Variants in FSD1L observed in about 807,000 individuals in gnomAD.
FSD1L encodes the protein FSD1-like protein.
Under a neutral mutation model 71.6 loss-of-function variants are expected in FSD1L, and 45 were observed. The observed-to-expected ratio is 0.63, with a 90% confidence interval of 0.49 to 0.81. FSD1L has a LOEUF of 0.81. FSD1L is among the 30% of genes least tolerant of loss of function. The probability of loss-of-function intolerance (pLI) is 0.00; values close to 1 mark genes in which losing one functional copy is unlikely to be tolerated. For synonymous variants in FSD1L, 197 were observed against 207.2 expected, an observed-to-expected ratio of 0.95 and a Z score of 0.42; for missense variants, 561 against 618.1, an observed-to-expected ratio of 0.91 and a Z score of 0.98.
chr9:105,449,434 C>T (rs1297001129), intron 1 of FSD1L, among the ~76,000 whole-genome samples: 1 of 152,138 alleles, frequency 6.6e-6, no homozygotes, highest in African/African-American at 2.4e-5. Context: ...TAAAACATCT[C>T]TCAGCTTATT....
chr9:105,446,711 C>CTT (rs59960095), upstream of FSD1L, among the ~76,000 whole-genome samples: 194 of 139,074 alleles, frequency 1.4e-3, 5 homozygotes, highest in Admixed American at 1.2e-3. Context: ...AGCACGTTAA[C>CTT]TTTTTTTTTT....
intron 9 of FSD1L, among the ~76,000 whole-genome samples, chr9:105,511,781 T>C (rs1293323302): frequency 2.0e-5 from 3 of 152,126 alleles, no homozygotes; most frequent in Non-Finnish European, 2.9e-5. Context: ...TAAACAGTTA[T>C]GTATCATCAA....
intron 7 of FSD1L, among the ~76,000 whole-genome samples, chr9:105,491,709 G>A (rs1470523092): frequency 4.6e-5 from 7 of 152,012 alleles, no homozygotes; most frequent in African/African-American, 1.5e-4. Context: ...TTAGCATGAA[G>A]GGTTGTTGAA....
At chr9:105,469,722 T>G (rs1831323123) in intron 4 of FSD1L, among the ~76,000 whole-genome samples, 1 of 151,522 alleles carries the variant, frequency 6.6e-6, no homozygotes, top group Non-Finnish European at 1.5e-5. Context: ...TTTTTTCCCA[T>G]TTTGTAGGCT....
chr9:105,484,608 A>ATT, intron 7 of FSD1L, 106 bp downstream of exon 7: 7 of 634,194 alleles, frequency 1.1e-5, no homozygotes, highest in Non-Finnish European at 1.4e-5. Flanking sequence ...GTATAGTGTG[A>ATT]TTTTTTTTTC....
intron 6 of FSD1L, among the ~76,000 whole-genome samples, 172 bp downstream of exon 6, chr9:105,479,548 A>C (rs1832033468): frequency 6.6e-6 from 1 of 152,230 alleles, no homozygotes; most frequent in South Asian, 2.1e-4. Context: ...TATCAATAAA[A>C]TTTTTTAAAA....
chr9:105,494,504 C>G (rs1197894874), intron 7 of FSD1L, among the ~76,000 whole-genome samples: 1 of 152,246 alleles, frequency 6.6e-6, no homozygotes, highest in African/African-American at 2.4e-5. Flanking sequence ...CTCAACTCGT[C>G]AAAGTCATTC....
At chr9:105,496,986 G>A (rs1589017922) in intron 7 of FSD1L, among the ~76,000 whole-genome samples, 1 of 152,304 alleles carries the variant, frequency 6.6e-6, no homozygotes, top group East Asian at 1.9e-4. Flanking sequence ...TAAGTATGGT[G>A]TTAGCTGTAA....
chr9:105,452,665 GCCTGCCTTCCTTCCTT>G (rs1299420450), intron 1 of FSD1L, among the ~76,000 whole-genome samples: 9 of 85,848 alleles, frequency 1.0e-4, no homozygotes, highest in African/African-American at 3.3e-4. Context: ...CTGCCTGCCT[GCCTGCCTTCCTTCCTT>G]CCTTCCTTCC....
chr9:105,446,012 C>T (rs1490248913), upstream of FSD1L, among the ~76,000 whole-genome samples: 1 of 152,092 alleles, frequency 6.6e-6, no homozygotes, highest in Admixed American at 6.5e-5. Flanking sequence ...TCTTGTACAT[C>T]TCTGTCCAGT....
At chr9:105,531,484 G>A (rs1430882341) in intron 10 of FSD1L, among the ~76,000 whole-genome samples, 1 of 152,134 alleles carries the variant, frequency 6.6e-6, no homozygotes, top group African/African-American at 2.4e-5. Context: ...AAAAGCACTG[G>A]GGCTTAAAGT....
At chr9:105,459,419 G>A (rs1052505078) in intron 1 of FSD1L, among the ~76,000 whole-genome samples, 6 of 152,128 alleles carry the variant, frequency 3.9e-5, no homozygotes, top group Admixed American at 3.9e-4. Flanking sequence ...TGAAGCCTTG[G>A]CCCTCTCCCT....
At chr9:105,515,865 A>G (rs938837689) in intron 10 of FSD1L, among the ~76,000 whole-genome samples, 2 of 150,784 alleles carry the variant, frequency 1.3e-5, no homozygotes, top group African/African-American at 4.9e-5. Context: ...TTGGAAAGGG[A>G]TGCTGAAACC....
rs1447395453 is a variant in FSD1L at position 105,474,083 on chromosome 9, T to C, written c.441+2078T>C. Among the ~76,000 whole-genome samples the C allele has an allele frequency of 2.6e-5, 4 of 152,298 alleles. No homozygotes were observed. The East Asian group carries it at 7.7e-4, about 29-fold the overall frequency. ...GGATGTCTTCTAAGAAATGTATCAT[T>C]AGGCAGTTTCATCATTGTGGGAACA... On this transcript the variant is annotated intron_variant, in intron 5 of 13. Transcript: ENST00000481272.
intron 12 of FSD1L, among the ~76,000 whole-genome samples, chr9:105,539,016 T>C (rs1253498086): frequency 6.6e-6 from 1 of 152,146 alleles, no homozygotes; most frequent in Admixed American, 6.5e-5. Context: ...TTGTATTAAA[T>C]AAGTCGAATC....
At chr9:105,522,761 T>G (rs1835256693) in intron 10 of FSD1L, 2 of 1,609,150 alleles carry the variant, frequency 1.2e-6, no homozygotes, top group Admixed American at 3.3e-5. Flanking sequence ...CTAATGTTCC[T>G]GATCTGATGG....
At chr9:105,522,407 A>C in intron 10 of FSD1L, 1 of 1,613,914 alleles carries the variant, frequency 6.2e-7, no homozygotes, top group Non-Finnish European at 8.5e-7. Flanking sequence ...CATTTTCTAG[A>C]GGATGGAGTC....
chr9:105,456,392 T>C (rs940684122), intron 1 of FSD1L, among the ~76,000 whole-genome samples: 4 of 152,360 alleles, frequency 2.6e-5, no homozygotes, highest in African/African-American at 7.2e-5. Context: ...AATGAATTAA[T>C]AATATGTATA....
chr9:105,539,344 GT>G lies in FSD1L; in HGVS notation c.1463del (p.Phe488SerfsTer10). ...AAATTTACTCAGCCAGTACTACCTGGTTTCATGGTTAGTATGTTTTATATCT... is the reference window on the plus strand; with the variant it reads ...AAATTTACTCAGCCAGTACTACCTGGTTCATGGTTAGTATGTTTTATATCT... ...KTKFTQPVLP[G>X]FMVWCGGLSL... On this transcript the variant is annotated frameshift_variant, in exon 13 of 14. Coordinates refer to ENST00000481272, the MANE Select transcript of FSD1L (RefSeq NM_001145313.3). LOFTEE classifies it high-confidence loss of function. 7.0e-7 allele frequency: 1 copy of G among 1,429,870 alleles called. No homozygotes were observed. Among genetic ancestry groups the G allele is most frequent in the Non-Finnish European group, 9.5e-7 (1 of 1,056,112 alleles). The allele number at this position is 1,429,870 out of a possible 1,614,324, so 88.6% of individuals were successfully genotyped here.
Sources: allele counts gnomAD v4.1 joint callset (sites outside exome capture counted in the v4.1 genomes callset), GRCh38; gene constraint gnomAD v4.1.1; transcripts MANE v1.5; gene names NCBI Gene and HGNC (gene_info 2026-07-23, HGNC 2026-07-21).